FOXP2: variants seen among roughly 807,000 people sequenced by gnomAD.
The protein encoded by FOXP2 is forkhead box protein P2.
In FOXP2, 12 loss-of-function variants were observed where a neutral mutation model predicts 115.8. The observed-to-expected ratio is 0.10, with a 90% confidence interval of 0.07 to 0.17. The LOEUF (loss-of-function observed/expected upper bound fraction) is 0.17. Ranked by LOEUF, FOXP2 falls within the 10% of genes least tolerant of loss-of-function variation. The pLI, the probability that FOXP2 is intolerant of heterozygous loss-of-function variation, is 1.00. For missense variants in FOXP2, 629 were observed against 843.5 expected, an observed-to-expected ratio of 0.75 and a Z score of 3.15; for synonymous variants, 328 against 297.7, an observed-to-expected ratio of 1.10 and a Z score of -1.05.
chr7:114,529,743 A>G (rs928514468), intron 2 of FOXP2, among the ~76,000 whole-genome samples: 5 of 151,850 alleles, frequency 3.3e-5, no homozygotes, highest in African/African-American at 1.2e-4. Flanking sequence ...ATAGATTGCT[A>G]TTTGAAAATA....
intron 1 of FOXP2, among the ~76,000 whole-genome samples, chr7:114,241,806 A>G (rs368643104): frequency 6.6e-6 from 1 of 151,784 alleles, no homozygotes; most frequent in East Asian, 1.9e-4. Context: ...AGGGAATGAC[A>G]TAATTAAATT....
At chr7:114,148,686 A>T (rs1447407017) in intron 1 of FOXP2, among the ~76,000 whole-genome samples, 1 of 152,192 alleles carries the variant, frequency 6.6e-6, no homozygotes, top group Non-Finnish European at 1.5e-5. Flanking sequence ...TATATTCACT[A>T]TGTTGTTGAA....
intron 10 of FOXP2, 149 bp from the exon 11 acceptor site, chr7:114,657,917 C>A: frequency 1.3e-6 from 1 of 772,628 alleles, no homozygotes; most frequent in Non-Finnish European, 2.2e-6. Flanking sequence ...CAATTTCATC[C>A]TGTAATTAGT....
rs539651705 is a variant in FOXP2, at chr7:114,362,355, G to C, written c.-10-64147G>C. Among the ~76,000 whole-genome samples, 4 of 152,082 alleles carry C rather than the reference G, an allele frequency of 2.6e-5. No homozygotes were observed. In the South Asian group the frequency reaches 8.3e-4, roughly 32 times the overall value. ...GATTATGGTCACAAAGTTGAATTCC[G>C]GTTCTAAGTCCTTTCTTCTCTGTCA... On this transcript the variant is annotated intron_variant, in intron 2 of 17. Coordinates refer to the FOXP2 transcript ENST00000634411.
At chr7:114,519,947 G>T (rs1425940424) in intron 2 of FOXP2, among the ~76,000 whole-genome samples, 2 of 152,044 alleles carry the variant, frequency 1.3e-5, no homozygotes, top group Non-Finnish European at 2.9e-5. Context: ...TTAATTTAAA[G>T]AAGAGAAATT....
At chr7:114,118,461 T>C (rs914819397) in intron 1 of FOXP2, among the ~76,000 whole-genome samples, 4 of 144,474 alleles carry the variant, frequency 2.8e-5, no homozygotes, top group African/African-American at 1.0e-4. Flanking sequence ...ATACCCCCCT[T>C]TTTTTTTTTT....
chr7:114,466,710 A>T (rs1795813037), intron 2 of FOXP2, among the ~76,000 whole-genome samples: 1 of 152,132 alleles, frequency 6.6e-6, no homozygotes, highest in Non-Finnish European at 1.5e-5. Flanking sequence ...GTCAGCTTTT[A>T]TTGCTTTCCA....
At chr7:114,354,314 G>T (rs1791563545) in intron 2 of FOXP2, among the ~76,000 whole-genome samples, 1 of 152,068 alleles carries the variant, frequency 6.6e-6, no homozygotes, top group African/African-American at 2.4e-5. Context: ...ATGGCAGATT[G>T]TGGGACTTCT....
chr7:114,553,771 A>G (rs1330905991), intron 3 of FOXP2, among the ~76,000 whole-genome samples: 1 of 152,170 alleles, frequency 6.6e-6, no homozygotes, highest in Non-Finnish European at 1.5e-5. Context: ...AGTTCTGTTT[A>G]TTAAATTTTG....
chr7:114,253,054 G>A (rs1795497328), intron 1 of FOXP2, among the ~76,000 whole-genome samples: 1 of 152,170 alleles, frequency 6.6e-6, no homozygotes, highest in East Asian at 1.9e-4. Context: ...TATGTACCCA[G>A]TAGTCATTCA....
chr7:114,404,624 T>C (rs367731098), intron 2 of FOXP2, among the ~76,000 whole-genome samples: 2 of 151,982 alleles, frequency 1.3e-5, no homozygotes, highest in South Asian at 4.1e-4. Context: ...AAAATTAAGG[T>C]TTTTTCTTTT....
intron 1 of FOXP2, among the ~76,000 whole-genome samples, chr7:114,230,941 T>G (rs961278699): frequency 9.4e-5 from 14 of 149,536 alleles, no homozygotes; most frequent in African/African-American, 3.2e-4. Flanking sequence ...TGCTAGCAGG[T>G]AACATGATCT....
chr7:114,117,939 G>T (rs1040980763), intron 1 of FOXP2, among the ~76,000 whole-genome samples: 4 of 151,976 alleles, frequency 2.6e-5, no homozygotes, highest in Non-Finnish European at 5.9e-5. Context: ...TCTTATAAGG[G>T]TCACTATTCC....
chr7:114,267,057 A>C (rs1795912649), intron 1 of FOXP2, among the ~76,000 whole-genome samples: 1 of 152,224 alleles, frequency 6.6e-6, no homozygotes, highest in Admixed American at 6.5e-5. Flanking sequence ...AAGAAATGGG[A>C]TATCAGAAAA....
At chr7:114,219,694 C>A (rs1404014380) in intron 1 of FOXP2, among the ~76,000 whole-genome samples, 1 of 152,096 alleles carries the variant, frequency 6.6e-6, no homozygotes, top group East Asian at 1.9e-4. Flanking sequence ...TTTTTTACTT[C>A]TCTAATTTGT....
intron 2 of FOXP2, among the ~76,000 whole-genome samples, chr7:114,395,534 T>C (rs1212674785): frequency 6.6e-6 from 1 of 152,092 alleles, no homozygotes; most frequent in Non-Finnish European, 1.5e-5. Context: ...ATTTCACTTT[T>C]TAGATAAAGA....
chr7:114,287,359 G>A (rs1484359811), intron 1 of FOXP2, among the ~76,000 whole-genome samples: 1 of 151,990 alleles, frequency 6.6e-6, no homozygotes, highest in African/African-American at 2.4e-5. Context: ...ACAAGACTGA[G>A]CTATATAGTA....
intron 14 of FOXP2, 118 bp downstream of exon 14, chr7:114,662,304 G>A (rs1019404665): frequency 5.3e-5 from 71 of 1,347,450 alleles, no homozygotes; most frequent in Non-Finnish European, 6.8e-5. Context: ...CATTCTCGTG[G>A]CAATGAACTG....
At chr7:114,183,209 G>C (rs570227353) in intron 1 of FOXP2, among the ~76,000 whole-genome samples, 1 of 152,048 alleles carries the variant, frequency 6.6e-6, no homozygotes, top group East Asian at 1.9e-4. Flanking sequence ...TTTAAAGATG[G>C]CACTTTTGCA....
Sources: allele counts gnomAD v4.1 joint callset (sites outside exome capture counted in the v4.1 genomes callset), GRCh38; gene constraint gnomAD v4.1.1; transcripts MANE v1.5; gene names NCBI Gene and HGNC (gene_info 2026-07-23, HGNC 2026-07-21).